The following MAGI2 variants were observed in gnomAD, a reference collection of about 807,000 sequenced individuals.
The protein encoded by MAGI2 is membrane associated guanylate kinase, WW and PDZ domain containing 2, also known as membrane-associated guanylate kinase, WW and PDZ domain-containing protein 2.
Under a neutral mutation model 133.3 loss-of-function variants are expected in MAGI2, and 35 were observed. The ratio of observed to expected loss-of-function variants is 0.26; its 90% CI spans 0.20 to 0.35. The LOEUF (loss-of-function observed/expected upper bound fraction) is 0.35. MAGI2 is among the 10% of genes least tolerant of loss of function. MAGI2 has a pLI of 1.00. For synonymous variants in MAGI2, 729 were observed against 710.6 expected (o/e 1.03, Z -0.41); for missense variants, 1,636 against 1,863.4 (o/e 0.88, Z 2.25).
At chr7:78,584,143 C>T (rs1165966941) in intron 3 of MAGI2, among the ~76,000 whole-genome samples, 5 of 152,066 alleles carry the variant, frequency 3.3e-5, no homozygotes, top group South Asian at 4.1e-4. Context: ...ACACTGGGGC[C>T]GGGCACGGTG....
intron 6 of MAGI2, among the ~76,000 whole-genome samples, chr7:78,429,830 T>G (rs748264839): frequency 6.6e-6 from 1 of 152,134 alleles, no homozygotes; most frequent in Non-Finnish European, 1.5e-5. Context: ...TTTGACCTCA[T>G]GAGTACCCAA....
chr7:78,858,870 C>A (rs540839842), intron 2 of MAGI2, among the ~76,000 whole-genome samples: 150 of 152,208 alleles, frequency 9.9e-4, no homozygotes, highest in Non-Finnish European at 1.9e-3. Context: ...GTGTGGGAGT[C>A]TAAGTCTCTT....
intron 1 of MAGI2, among the ~76,000 whole-genome samples, chr7:79,091,892 C>T (rs1817084759): frequency 6.6e-6 from 1 of 151,698 alleles, no homozygotes; most frequent in South Asian, 2.1e-4. Context: ...ATGTGAAAAC[C>T]ACAGTCAGTG....
At chr7:78,697,558 T>A (rs972695887) in intron 2 of MAGI2, among the ~76,000 whole-genome samples, 3 of 152,142 alleles carry the variant, frequency 2.0e-5, no homozygotes, top group African/African-American at 7.2e-5. Context: ...TTAAATGAGA[T>A]CATCCACCTA....
intron 10 of MAGI2, among the ~76,000 whole-genome samples, chr7:78,208,857 TC>T (rs1361430378): frequency 5.3e-5 from 8 of 152,010 alleles, no homozygotes; most frequent in African/African-American, 1.9e-4. Context: ...CTTTTATCTT[TC>T]CTCCCAAATC....
chr7:78,519,636 T>C (rs1039797057), intron 4 of MAGI2, among the ~76,000 whole-genome samples: 3 of 152,188 alleles, frequency 2.0e-5, no homozygotes, highest in African/African-American at 7.2e-5. Flanking sequence ...GCATAAGGTA[T>C]GAATAGAAGG....
chr7:79,188,588 G>C (rs539612544), intron 1 of MAGI2, among the ~76,000 whole-genome samples: 1 of 151,710 alleles, frequency 6.6e-6, no homozygotes, highest in Non-Finnish European at 1.5e-5. Context: ...ATGAACATAT[G>C]CATAAGCACC....
intron 2 of MAGI2, among the ~76,000 whole-genome samples, chr7:78,797,232 A>G (rs189047522): frequency 7.9e-5 from 12 of 152,282 alleles, no homozygotes; most frequent in Admixed American, 4.6e-4. Flanking sequence ...GTATCAAAAT[A>G]TCATATGTAC....
intron 1 of MAGI2, among the ~76,000 whole-genome samples, chr7:79,020,877 A>G (rs1809261613): frequency 6.6e-6 from 1 of 152,186 alleles, no homozygotes; most frequent in South Asian, 2.1e-4. Context: ...AGCTCCTTCC[A>G]TCACAGGCTC....
chr7:79,374,172 T>C (rs1380029804), intron 1 of MAGI2, among the ~76,000 whole-genome samples: 1 of 152,032 alleles, frequency 6.6e-6, no homozygotes, highest in Non-Finnish European at 1.5e-5. Context: ...GAATTACTTC[T>C]CTCAAAATCA....
intron 2 of MAGI2, among the ~76,000 whole-genome samples, chr7:78,869,355 A>C (rs1470418590): frequency 6.6e-6 from 1 of 152,160 alleles, no homozygotes; most frequent in East Asian, 1.9e-4. Flanking sequence ...TTATGGGTTC[A>C]GGTTTTAGAT....
chr7:79,323,344 T>C (rs745425121), intron 1 of MAGI2, among the ~76,000 whole-genome samples: 1 of 152,168 alleles, frequency 6.6e-6, no homozygotes, highest in Non-Finnish European at 1.5e-5. Flanking sequence ...AAAATGATAC[T>C]AGAATATCTA....
intron 1 of MAGI2, among the ~76,000 whole-genome samples, chr7:79,376,150 G>C (rs6964349): frequency 0.14 from 21,052 of 151,586 alleles, 1,569 homozygotes; most frequent in South Asian, 0.25. Flanking sequence ...CTTATCATTG[G>C]GACATATGTT....
intron 1 of MAGI2, among the ~76,000 whole-genome samples, chr7:79,198,950 T>C (rs1308348588): frequency 1.3e-5 from 2 of 151,816 alleles, no homozygotes; most frequent in Non-Finnish European, 2.9e-5. Flanking sequence ...TCAGGATAGG[T>C]ACAGAGCCTA....
intron 2 of MAGI2, among the ~76,000 whole-genome samples, chr7:78,756,749 C>A (rs1257800698): frequency 6.6e-6 from 1 of 152,178 alleles, no homozygotes; most frequent in East Asian, 1.9e-4. Flanking sequence ...TCTCATCACA[C>A]TCTTGTCACC....
chr7:79,356,659 A>G (rs925434453), intron 1 of MAGI2, among the ~76,000 whole-genome samples: 2 of 152,224 alleles, frequency 1.3e-5, no homozygotes, highest in Non-Finnish European at 2.9e-5. Context: ...CTGATGAAAG[A>G]AACTGACTAT....
chr7:78,965,413 T>C (rs905419985), intron 2 of MAGI2, among the ~76,000 whole-genome samples: 2 of 151,966 alleles, frequency 1.3e-5, no homozygotes, highest in Non-Finnish European at 2.9e-5. Flanking sequence ...GGCAGTTAAT[T>C]ATGTTCCCTT....
intron 2 of MAGI2, among the ~76,000 whole-genome samples, chr7:78,640,722 C>T (rs546240039): frequency 6.6e-6 from 1 of 152,324 alleles, no homozygotes; most frequent in Admixed American, 6.5e-5. Flanking sequence ...GGTGATGGTG[C>T]TCTGACTTTC....
intron 21 of MAGI2, among the ~76,000 whole-genome samples, chr7:78,054,648 T>G: frequency 6.8e-6 from 1 of 147,228 alleles, no homozygotes; most frequent in Admixed American, 6.7e-5. Flanking sequence ...TGACTTGCTA[T>G]TTCACTTAAT....
Sources: allele counts gnomAD v4.1 joint callset (sites outside exome capture counted in the v4.1 genomes callset), GRCh38; gene constraint gnomAD v4.1.1; transcripts MANE v1.5; gene names NCBI Gene and HGNC (gene_info 2026-07-23, HGNC 2026-07-21).